The following SNAP29 variants were observed in gnomAD, a reference collection of about 807,000 sequenced individuals.
SNAP29 encodes synaptosomal-associated protein 29.
A neutral mutation model predicts 27.9 loss-of-function variants in SNAP29; 13 were observed. The ratio of observed to expected loss-of-function variants is 0.47; its 90% CI spans 0.30 to 0.74. The LOEUF is 0.74. Ranked by LOEUF, SNAP29 falls within the 30% of genes least tolerant of loss-of-function variation. The pLI is 0.06. For synonymous variants in SNAP29, 119 were observed against 127.1 expected, an observed-to-expected ratio of 0.94 and a Z score of 0.43; for missense variants, 368 against 336.5, an observed-to-expected ratio of 1.09 and a Z score of -0.73.
chr22:20,870,393 G>T lies in SNAP29; in HGVS notation c.294G>T (p.Met98Ile). 1 of 1,614,112 alleles carries T rather than the reference G, an allele frequency of 6.2e-7. No homozygotes were observed. The highest frequency in any genetic ancestry group is 1.1e-5 in the South Asian group (1 of 91,086). The change falls in exon 2 of 5, where the codon ATG becomes ATT. Residue 98 changes from methionine to isoleucine, a missense_variant. Transcript: ENST00000215730. ...LERTEKMVDKMDQDLKISQKH... is the reference protein window; with the variant it reads ...LERTEKMVDKIDQDLKISQKH... Reference sequence around the variant, plus strand: ...GCACAGAGAAGATGGTGGACAAGATGGACCAAGATTTGAAGATCAGCCAGA... The same window carrying T: ...GCACAGAGAAGATGGTGGACAAGATTGACCAAGATTTGAAGATCAGCCAGA...
rs575240461 is a variant in SNAP29, at chr22:20,888,311, TCACACACACA to T, written c.*511_*520del. On this transcript the variant is annotated 3_prime_UTR_variant, in exon 5 of 5. Transcript: ENST00000215730. ...CACACCTTTGTTTAGGAGTCATCAT[TCACACACACA>T]CACACACACACACACACACACACAC... 2.8e-4 allele frequency: 49 copies of T among 174,648 alleles called. No individual in the cohort carries two copies. Among genetic ancestry groups the T allele is most frequent in the South Asian group, 6.9e-4 (8 of 11,674 alleles). The allele number at this position is 174,648 out of a possible 1,614,324, so 10.8% of individuals were successfully genotyped here. A position where few individuals can be genotyped will look rare whatever the true frequency, so the allele number is the denominator to read the frequency against.
chr22:20,860,194 T>TAAAAA (rs397721475), intron 1 of SNAP29, among the ~76,000 whole-genome samples: 1 of 138,942 alleles, frequency 7.2e-6, no homozygotes. Flanking sequence ...CCACTAAAAT[T>TAAAAA]AAAAAAAAAA....
At chr22:20,879,045 C>T (rs976184091) in intron 2 of SNAP29, among the ~76,000 whole-genome samples, 6 of 152,112 alleles carry the variant, frequency 3.9e-5, no homozygotes, top group Non-Finnish European at 7.4e-5. Context: ...CAGTGGCTCA[C>T]GCCTGTAATC....
rs1929097586 is a variant in SNAP29, at chr22:20,889,368, T to C, written c.*1532T>C. 6.6e-6 allele frequency: 1 copy of C among 152,216 alleles called. No homozygotes were observed. The highest frequency in any genetic ancestry group is 1.5e-5 in the Non-Finnish European group (1 of 68,030). The allele number at this position is 152,216 out of a possible 1,614,324, so 9.4% of individuals were successfully genotyped here. Reference sequence around the variant, plus strand: ...TTCCTAAAAATATCCACAGCCTCCATAGGCAAGGTGAGCTTTCTGTGCTAC... The same window carrying C: ...TTCCTAAAAATATCCACAGCCTCCACAGGCAAGGTGAGCTTTCTGTGCTAC... On this transcript the variant is annotated 3_prime_UTR_variant, in exon 5 of 5. Transcript: ENST00000215730.
chr22:20,870,575 T>C, intron 2 of SNAP29, 42 bp downstream of exon 2: 3 of 1,570,212 alleles, frequency 1.9e-6, no homozygotes, highest in Non-Finnish European at 2.6e-6. Context: ...GGAGCAGAAG[T>C]GGGGATTAGT....
At chr22:20,887,583 G>C in intron 4 of SNAP29, 96 bp from the exon 5 acceptor site, 1 of 1,346,138 alleles carries the variant, frequency 7.4e-7, no homozygotes, top group Non-Finnish European at 1.1e-6. Flanking sequence ...AGGCAACACA[G>C]ATCCCTGTCT....
intron 2 of SNAP29, among the ~76,000 whole-genome samples, chr22:20,874,317 GACACACAC>G (rs368789277): frequency 3.0e-4 from 36 of 118,164 alleles, no homozygotes; most frequent in African/African-American, 7.9e-4. Flanking sequence ...GACACACACA[GACACACAC>G]ACACACACAC....
At chr22:20,874,168 G>A (rs1246243538) in intron 2 of SNAP29, among the ~76,000 whole-genome samples, 3 of 147,042 alleles carry the variant, frequency 2.0e-5, no homozygotes, top group Non-Finnish European at 4.5e-5. Context: ...CCAGCTACTC[G>A]GGAGGGTGAG....
intron 1 of SNAP29, among the ~76,000 whole-genome samples, chr22:20,870,123 A>G (rs1928551618): frequency 6.6e-6 from 1 of 152,108 alleles, no homozygotes; most frequent in South Asian, 2.1e-4. Context: ...AAAGGGTCTC[A>G]TGAACAAATG....
Position 20,889,893 on chromosome 22 carries a change from C to T in SNAP29, c.*2057C>T, listed in dbSNP as rs895101231. Reference sequence around the variant, plus strand: ...AGTAACATCTTATTTTATGCACATTCCCTGTCTTTTGCTGGACTGATGAAG... The same window carrying T: ...AGTAACATCTTATTTTATGCACATTTCCTGTCTTTTGCTGGACTGATGAAG... On this transcript the variant is annotated 3_prime_UTR_variant, in exon 5 of 5. Transcript: ENST00000215730. 2 of 178,994 alleles carry T rather than the reference C, an allele frequency of 1.1e-5. No individual in the cohort carries two copies. 11.1% of individuals were successfully genotyped at this position (178,994 alleles called of 1,614,324 possible).
At chr22:20,869,527 T>G (rs756899272) in intron 1 of SNAP29, among the ~76,000 whole-genome samples, 13 of 152,354 alleles carry the variant, frequency 8.5e-5, no homozygotes, top group South Asian at 2.1e-4. Context: ...CAGACACTAA[T>G]AGGGCCCAGA....
chr22:20,887,432 C>G (rs983339267), intron 4 of SNAP29, among the ~76,000 whole-genome samples: 1 of 151,964 alleles, frequency 6.6e-6, no homozygotes, highest in African/African-American at 2.4e-5. Flanking sequence ...CTGGGCATAT[C>G]TCCCTACCCC....
At position 20,883,367 on chromosome 22, in the gene SNAP29, C is replaced by T. The variant is rs1928932921; in HGVS notation, c.521-104C>T. Reference sequence around the variant, plus strand: ...TGGATAGCCTCAGAACCAACCCCTTCGTTCCTTCCACCCATTTTCCAGATG... The same window carrying T: ...TGGATAGCCTCAGAACCAACCCCTTTGTTCCTTCCACCCATTTTCCAGATG... On this transcript the variant is annotated intron_variant, in intron 3 of 4. Transcript: ENST00000215730. 18 of 788,904 alleles carry T rather than the reference C, an allele frequency of 2.3e-5. No individual in the cohort carries two copies. The Middle Eastern group carries it at 1.6e-3, about 71-fold the overall frequency. 48.9% of individuals were successfully genotyped at this position (788,904 alleles called of 1,614,324 possible). A position where few individuals can be genotyped will look rare whatever the true frequency, so the allele number is the denominator to read the frequency against.
chr22:20,866,327 C>T (rs1374692885), intron 1 of SNAP29, among the ~76,000 whole-genome samples: 1 of 152,212 alleles, frequency 6.6e-6, no homozygotes, highest in Admixed American at 6.5e-5. Flanking sequence ...CATGGGTGCT[C>T]ACGTATCCCT....
chr22:20,868,140 A>G (rs1014018290), intron 1 of SNAP29, among the ~76,000 whole-genome samples: 3 of 152,268 alleles, frequency 2.0e-5, no homozygotes, highest in Admixed American at 1.3e-4. Context: ...CAGTGTGGAC[A>G]TGAAGATGAT....
chr22:20,868,443 A>G (rs533984901), intron 1 of SNAP29, among the ~76,000 whole-genome samples: 20 of 152,144 alleles, frequency 1.3e-4, no homozygotes, highest in Non-Finnish European at 2.1e-4. Context: ...TTGCCTATAC[A>G]TTATGTTTTT....
intron 1 of SNAP29, among the ~76,000 whole-genome samples, chr22:20,867,714 A>G (rs1232110512): frequency 6.6e-6 from 1 of 152,190 alleles, no homozygotes; most frequent in African/African-American, 2.4e-5. Flanking sequence ...CTGTGCTCCC[A>G]TCTAAACATC....
intron 3 of SNAP29, among the ~76,000 whole-genome samples, chr22:20,882,727 G>A (rs947922873): frequency 1.3e-5 from 2 of 152,198 alleles, no homozygotes; most frequent in African/African-American, 4.8e-5. Flanking sequence ...GAATTAAAGA[G>A]AGTTTTTATT....
intron 1 of SNAP29, chr22:20,859,612 G>A (rs1928185732): frequency 5.6e-6 from 3 of 531,502 alleles, no homozygotes; most frequent in Non-Finnish European, 3.3e-6. Context: ...CCTAGCTCAC[G>A]GGGAAACGCC....
Sources: allele counts gnomAD v4.1 joint callset (sites outside exome capture counted in the v4.1 genomes callset), GRCh38; gene constraint gnomAD v4.1.1; transcripts MANE v1.5; gene names NCBI Gene and HGNC (gene_info 2026-07-23, HGNC 2026-07-21).